The following SUPT3H variants were observed in gnomAD, a reference collection of about 807,000 sequenced individuals.
SUPT3H encodes the protein SPT3 homolog, SAGA and STAGA complex component.
In SUPT3H, 44 loss-of-function variants were observed where a neutral mutation model predicts 44.3. That is an observed-to-expected ratio of 0.99 (90% CI 0.78 to 1.28). The LOEUF is 1.28. Ranked by LOEUF, SUPT3H falls within the 50% of genes most tolerant of loss-of-function variation. The pLI is 0.00. For synonymous variants in SUPT3H, 124 were observed against 125.6 expected, an observed-to-expected ratio of 0.99 and a Z score of 0.09; for missense variants, 380 against 387.1, an observed-to-expected ratio of 0.98 and a Z score of 0.15.
intron 2 of SUPT3H, among the ~76,000 whole-genome samples, chr6:45,231,434 C>G (rs994345908): frequency 1.3e-5 from 2 of 152,190 alleles, no homozygotes; most frequent in Non-Finnish European, 2.9e-5. Context: ...CTCTGCTGAC[C>G]TGTAAGGTTT....
chr6:44,954,121 C>A (rs933069651), intron 8 of SUPT3H, among the ~76,000 whole-genome samples: 1 of 152,104 alleles, frequency 6.6e-6, no homozygotes, highest in Non-Finnish European at 1.5e-5. Flanking sequence ...TTTTAGAGGG[C>A]GAGATTCCAG....
intron 10 of SUPT3H, among the ~76,000 whole-genome samples, chr6:44,889,662 G>T (rs1194931817): frequency 6.6e-6 from 1 of 152,144 alleles, no homozygotes; most frequent in South Asian, 2.1e-4. Context: ...AAAAACCCTA[G>T]AAGAAAACCT....
intron 3 of SUPT3H, among the ~76,000 whole-genome samples, chr6:45,058,589 C>G (rs1342555136): frequency 6.6e-6 from 1 of 152,070 alleles, no homozygotes; most frequent in Non-Finnish European, 1.5e-5. Flanking sequence ...ACCTGTGGGG[C>G]TCTTTGAAAT....
At chr6:45,249,208 AT>A (rs1771932711) in intron 2 of SUPT3H, among the ~76,000 whole-genome samples, 1 of 152,116 alleles carries the variant, frequency 6.6e-6, no homozygotes, top group African/African-American at 2.4e-5. Flanking sequence ...TCATTTTCTG[AT>A]TTACTATTTC....
At chr6:45,260,990 C>T (rs1425764450) in intron 2 of SUPT3H, among the ~76,000 whole-genome samples, 1 of 152,150 alleles carries the variant, frequency 6.6e-6, no homozygotes, top group Admixed American at 6.6e-5. Context: ...TTGCACACCA[C>T]CAGATAGGCC....
intron 3 of SUPT3H, among the ~76,000 whole-genome samples, chr6:45,021,693 CA>C (rs1471332569): frequency 6.6e-6 from 1 of 151,964 alleles, no homozygotes; most frequent in Non-Finnish European, 1.5e-5. Flanking sequence ...ATTATCTCAA[CA>C]AATATATGAA....
At chr6:45,116,129 T>C (rs1800804951) in intron 2 of SUPT3H, among the ~76,000 whole-genome samples, 1 of 152,186 alleles carries the variant, frequency 6.6e-6, no homozygotes, top group Admixed American at 6.5e-5. Flanking sequence ...GTTTTCTGTT[T>C]TTATTTCAGA....
chr6:45,303,686 A>AG (rs1193155087), intron 2 of SUPT3H, among the ~76,000 whole-genome samples: 37 of 151,056 alleles, frequency 2.4e-4, no homozygotes, highest in East Asian at 9.7e-4. Context: ...AAAAAAAAAA[A>AG]AAAAAAGAAA....
chr6:45,144,757 C>G (rs1251604617), intron 2 of SUPT3H, among the ~76,000 whole-genome samples: 1 of 151,956 alleles, frequency 6.6e-6, no homozygotes, highest in Non-Finnish European at 1.5e-5. Context: ...CTAGAAAACC[C>G]TAAAGACTCA....
rs200153707 is a variant in SUPT3H, at chr6:45,241,251, A to T, written c.101+123950T>A. 3.9e-5 allele frequency among the ~76,000 whole-genome samples: 6 copies of T among 152,262 alleles called. No homozygotes were observed. In the East Asian group the frequency reaches 1.2e-3, roughly 29 times the overall value. On this transcript the variant is annotated intron_variant, in intron 2 of 10. Transcript: ENST00000371459. Reference sequence around the variant, plus strand: ...ATAAGCTGGCCCCAAAACTGGCCATAAACAAAATCTCTGCAACACTGTGAC... The same window carrying T: ...ATAAGCTGGCCCCAAAACTGGCCATTAACAAAATCTCTGCAACACTGTGAC...
At chr6:45,047,616 T>C (rs995547458) in intron 3 of SUPT3H, among the ~76,000 whole-genome samples, 1 of 152,124 alleles carries the variant, frequency 6.6e-6, no homozygotes, top group Non-Finnish European at 1.5e-5. Flanking sequence ...AATAACAGCA[T>C]GTCTTTATTC....
rs1039966815 is a variant in SUPT3H, at chr6:45,359,861, C to T, written c.101+5340G>A. Among the ~76,000 whole-genome samples, 6 of 152,026 alleles carry T rather than the reference C, an allele frequency of 3.9e-5. No individual in the cohort carries two copies. In the South Asian group the frequency reaches 8.3e-4, roughly 21 times the overall value. Reference sequence around the variant, plus strand: ...AAGTTCAAGACCAGCCTGGGCAACACGACAAAATCCTGCCTCTACAAAACA... The same window carrying T: ...AAGTTCAAGACCAGCCTGGGCAACATGACAAAATCCTGCCTCTACAAAACA... On this transcript the variant is annotated intron_variant, in intron 2 of 10. Transcript: ENST00000371459.
chr6:44,958,083 G>A (rs1402885514), intron 7 of SUPT3H, among the ~76,000 whole-genome samples: 3 of 152,220 alleles, frequency 2.0e-5, no homozygotes, highest in East Asian at 3.9e-4. Context: ...TCTTCCCAAC[G>A]TATCAGGAGA....
At chr6:45,225,174 G>A (rs1383374778) in intron 2 of SUPT3H, among the ~76,000 whole-genome samples, 1 of 151,610 alleles carries the variant, frequency 6.6e-6, no homozygotes, top group Non-Finnish European at 1.5e-5. Context: ...AGCTACTCGG[G>A]AGGCTGAGGC....
chr6:44,904,094 G>A (rs1438200418), intron 10 of SUPT3H, among the ~76,000 whole-genome samples: 3 of 152,140 alleles, frequency 2.0e-5, no homozygotes, highest in African/African-American at 2.4e-5. Flanking sequence ...GGCAAAAACC[G>A]GAAGCATTCC....
chr6:44,811,603 T>C (rs544302227), intron 11 of SUPT3H, among the ~76,000 whole-genome samples: 72 of 152,362 alleles, frequency 4.7e-4, no homozygotes, highest in African/African-American at 1.6e-3. Context: ...TTTGAAGGTC[T>C]TGCAGGTACA....
At chr6:44,889,208 T>G (rs1356589043) in intron 10 of SUPT3H, among the ~76,000 whole-genome samples, 1 of 152,222 alleles carries the variant, frequency 6.6e-6, no homozygotes, top group African/African-American at 2.4e-5. Flanking sequence ...AATTTATAGA[T>G]TCAATGCCAT....
intron 2 of SUPT3H, among the ~76,000 whole-genome samples, chr6:45,200,705 C>A (rs1459554489): frequency 6.6e-6 from 1 of 151,316 alleles, no homozygotes; most frequent in Non-Finnish European, 1.5e-5. Flanking sequence ...AGTTTGGTTC[C>A]AAAGTCCATT....
intron 2 of SUPT3H, among the ~76,000 whole-genome samples, chr6:45,253,782 T>C (rs750918328): frequency 3.5e-4 from 52 of 148,926 alleles, no homozygotes; most frequent in Non-Finnish European, 6.4e-4. Context: ...ACCAAGACCC[T>C]GTCTCTAAAA....
Sources: gnomAD v4.1 joint callset for allele counts (sites outside exome capture counted in the v4.1 genomes callset) on GRCh38, gnomAD v4.1.1 for gene constraint, MANE v1.5 for transcripts, NCBI Gene and HGNC (gene_info 2026-07-23, HGNC 2026-07-21) for gene names.